The following KAT14 variants were observed in gnomAD, a reference collection of about 807,000 sequenced individuals.
KAT14 encodes cysteine-rich protein 2-binding protein.
A neutral mutation model predicts 78.4 loss-of-function variants in KAT14; 66 were observed. The observed-to-expected ratio is 0.84, with a 90% CI of 0.69 to 1.03. The LOEUF (loss-of-function observed/expected upper bound fraction) is 1.03. Among genes scored for constraint, KAT14 ranks in the 50% least tolerant of loss-of-function variants. KAT14 has a pLI of 0.00. For missense variants in KAT14, 870 were observed against 972.5 expected (o/e 0.89, Z 1.40); for synonymous variants, 344 against 359.4 (o/e 0.96, Z 0.48).
intron 7 of KAT14, among the ~76,000 whole-genome samples, chr20:18,174,134 A>G (rs1477013450): frequency 1.3e-5 from 2 of 152,216 alleles, no homozygotes; most frequent in Non-Finnish European, 2.9e-5. Context: ...ATTCATCCAT[A>G]TTGTAACATA....
intron 4 of KAT14, 65 bp downstream of exon 4, chr20:18,151,007 G>C (rs1189306291): frequency 1.9e-6 from 3 of 1,580,916 alleles, no homozygotes; most frequent in Non-Finnish European, 2.6e-6. Context: ...TACAGGATTT[G>C]AGACAGCCTA....
chr20:18,173,236 G>A (rs1219839856), intron 7 of KAT14, among the ~76,000 whole-genome samples: 3 of 152,198 alleles, frequency 2.0e-5, no homozygotes, highest in Non-Finnish European at 2.9e-5. Flanking sequence ...CTTGTGGAGT[G>A]GAGTTTTTAT....
Position 18,145,239 on chromosome 20 carries a change from TG to T in KAT14, c.267del (p.Arg90GlyfsTer31). The T allele has an allele frequency of 2.5e-6, 4 of 1,614,090 alleles. No individual in the cohort carries two copies. Among genetic ancestry groups the T allele is most frequent in the Non-Finnish European group, 2.5e-6 (3 of 1,179,996 alleles). On this transcript the variant is annotated frameshift_variant, in exon 3 of 11. Transcript: ENST00000688188. LOFTEE classifies it high-confidence loss of function. ...CTTTTTGTTTTTCTCCTAGGTCAGC[TG>T]AGGGAACAGCTCAGTTACCTTAAGG... Reference protein sequence around the residue: ...KCQKWIPASQLREQLSYLKGD... With the variant: ...KCQKWIPASQXREQLSYLKGD...
rs1488260622 is a variant in KAT14 at position 18,184,510 on chromosome 20, C to T, written c.1982-92C>T. On this transcript the variant is annotated intron_variant, in intron 9 of 10. Coordinates refer to ENST00000688188, the MANE Select transcript of KAT14 (RefSeq NM_001392073.1). ...GTTTTTTTTTTTTTTTTTTAGCATG[C>T]AGGTGTAGCTATATGTACATGCTGA... 8 of 885,492 alleles carry T rather than the reference C, an allele frequency of 9.0e-6. No homozygotes were observed. In the Admixed American group the frequency reaches 2.4e-4, roughly 26 times the overall value. The allele number at this position is 885,492 out of a possible 1,614,324, so 54.9% of individuals were successfully genotyped here. A position where few individuals can be genotyped will look rare whatever the true frequency, so the allele number is the denominator to read the frequency against.
chr20:18,175,792 G>A (rs981563126), intron 7 of KAT14, among the ~76,000 whole-genome samples: 1 of 151,784 alleles, frequency 6.6e-6, no homozygotes, highest in Non-Finnish European at 1.5e-5. Flanking sequence ...GCCAAGGCAG[G>A]CAGATCACTT....
rs1568668232 is a variant in KAT14 at position 18,161,910 on chromosome 20, T to C, written c.770T>C (p.Leu257Ser). ...SRNPVESAME[L>S]KEKRSRTQEA... ...AATCCTGTGGAATCTGCCATGGAAT[T>C]AAAAGAGAAAAGGTCTCGAACTCAG... The change falls in exon 6 of 11, where the codon TTA becomes TCA. Residue 257 changes from leucine to serine, a missense_variant. Physicochemically the swap from Leu to Ser is moderately radical, Grantham distance 145 (BLOSUM62 -2). Coordinates refer to ENST00000688188, the MANE Select transcript of KAT14 (RefSeq NM_001392073.1). The C allele has an allele frequency of 6.2e-7, 1 of 1,614,176 alleles. No individual in the cohort carries two copies.
In KAT14 at chr20:18,162,770, A is replaced by G; in HGVS notation, c.1493A>G (p.Gln498Arg). Reference protein sequence around the residue: ...RRLKRKLIVRQAKRDRGLPLF... With the variant: ...RRLKRKLIVRRAKRDRGLPLF... Reference sequence around the variant, plus strand: ...CTGAAACGCAAACTGATTGTCAGACAAGCGAAAAGGGATAGGGGATTACCA... The same window carrying G: ...CTGAAACGCAAACTGATTGTCAGACGAGCGAAAAGGGATAGGGGATTACCA... The change falls in exon 7 of 11, where the codon CAA (glutamine) becomes CGA (arginine). Residue 498 changes from glutamine to arginine, a missense_variant. By Grantham distance (43) the Gln-to-Arg change is conservative (BLOSUM62 1). Coordinates refer to ENST00000688188, the MANE Select transcript of KAT14 (RefSeq NM_001392073.1). 6.2e-7 allele frequency: 1 copy of G among 1,614,254 alleles called. No homozygotes were observed. Among genetic ancestry groups the G allele is most frequent in the Non-Finnish European group, 8.5e-7 (1 of 1,180,048 alleles).
chr20:18,150,706 G>A (rs764476917), intron 3 of KAT14, 115 bp from the exon 4 acceptor site: 32 of 1,499,602 alleles, frequency 2.1e-5, no homozygotes, highest in Non-Finnish European at 2.7e-5. Flanking sequence ...TCCTTTGTTC[G>A]CTCTGTTCCC....
At chr20:18,175,076 C>G (rs571889535) in intron 7 of KAT14, among the ~76,000 whole-genome samples, 9 of 152,162 alleles carry the variant, frequency 5.9e-5, no homozygotes, top group Middle Eastern at 3.4e-3. Flanking sequence ...GGGAAGAGAG[C>G]AAAAGCCTGG....
intron 3 of KAT14, among the ~76,000 whole-genome samples, chr20:18,147,968 T>A: frequency 6.6e-6 from 1 of 152,214 alleles, no homozygotes; most frequent in Non-Finnish European, 1.5e-5. Flanking sequence ...GATACTAACC[T>A]GGTAGGGTGA....
chr20:18,180,996 A>G (rs967294519), intron 7 of KAT14, among the ~76,000 whole-genome samples: 1 of 152,204 alleles, frequency 6.6e-6, no homozygotes, highest in African/African-American at 2.4e-5. Context: ...ATAACAGAGC[A>G]ATCATATAAT....
At chr20:18,138,460 C>T (rs1250420341) in intron 1 of KAT14, 3 of 992,460 alleles carry the variant, frequency 3.0e-6, no homozygotes, top group Non-Finnish European at 3.6e-6. Context: ...GAAGGAGTTT[C>T]TTGGGGTGCA....
chr20:18,138,525 T>A (rs1392173057), intron 1 of KAT14: 1 of 896,134 alleles, frequency 1.1e-6, no homozygotes, highest in Non-Finnish European at 1.3e-6. Flanking sequence ...AAGCCTAATG[T>A]GTTTTACGTG....
Position 18,162,516 on chromosome 20 carries a change from A to G in KAT14, c.1239A>G (p.Val413=), listed in dbSNP as rs1397883397. The G allele has an allele frequency of 1.2e-6, 2 of 1,614,006 alleles. No individual in the cohort carries two copies. Among genetic ancestry groups the G allele is most frequent in the East Asian group, 4.5e-5 (2 of 44,888 alleles). ...VRGPEQIKQE[V]ESEEEKPDRM... Reference sequence around the variant, plus strand: ...GCCCTGAACAGATAAAGCAGGAGGTAGAGAGTGAGGAGGAAAAACCCGACA... The same window carrying G: ...GCCCTGAACAGATAAAGCAGGAGGTGGAGAGTGAGGAGGAAAAACCCGACA... Residue 413 remains valine, a synonymous_variant, in exon 7 of 11, where the codon GTA becomes GTG. Transcript: ENST00000688188.
Position 18,162,165 on chromosome 20 carries a change from A to T in KAT14, c.1025A>T (p.His342Leu), listed in dbSNP as rs2038452816. The change falls in exon 6 of 11, where the codon CAT becomes CTT. Residue 342 changes from histidine (H) to leucine (L), a missense_variant. Transcript: ENST00000688188. ...TCTGCCCCTGGTACACCTGCCTCTCATTCTGCCACACCTAGCTTGCTTTCA... is the reference window on the plus strand; with the variant it reads ...TCTGCCCCTGGTACACCTGCCTCTCTTTCTGCCACACCTAGCTTGCTTTCA... ...DFSAPGTPASHSATPSLLSEA... is the reference protein window; with the variant it reads ...DFSAPGTPASLSATPSLLSEA... 6.2e-7 allele frequency: 1 copy of T among 1,614,036 alleles called. No homozygotes were observed. Among genetic ancestry groups the T allele is most frequent in the Non-Finnish European group, 8.5e-7 (1 of 1,180,042 alleles).
intron 4 of KAT14, among the ~76,000 whole-genome samples, chr20:18,153,022 C>T (rs373073920): frequency 6.6e-6 from 1 of 152,158 alleles, no homozygotes; most frequent in South Asian, 2.1e-4. Flanking sequence ...GTTTGAGATT[C>T]TGATTGTTAG....
intron 4 of KAT14, among the ~76,000 whole-genome samples, chr20:18,152,226 C>T (rs1439197255): frequency 1.3e-5 from 2 of 151,924 alleles, no homozygotes; most frequent in African/African-American, 4.8e-5. Context: ...GAGGATCACT[C>T]GAGCCCAGGA....
At chr20:18,167,033 C>T (rs1418219136) in intron 7 of KAT14, among the ~76,000 whole-genome samples, 1 of 152,170 alleles carries the variant, frequency 6.6e-6, no homozygotes, top group Non-Finnish European at 1.5e-5. Context: ...GGTACTCACA[C>T]CTCAGCCCTC....
In KAT14 at chr20:18,137,943, C is replaced by A. The variant is rs11557575; in HGVS notation, c.-562C>A. 1 of 1,478,410 alleles carries A rather than the reference C, an allele frequency of 6.8e-7. No individual in the cohort carries two copies. The highest frequency in any genetic ancestry group is 8.9e-7 in the Non-Finnish European group (1 of 1,122,384). The allele number at this position is 1,478,410 out of a possible 1,614,324, so 91.6% of individuals were successfully genotyped here. A position where few individuals can be genotyped will look rare whatever the true frequency, so the allele number is the denominator to read the frequency against. ...GCGGGCGGGAGAGAGAGGCCGCGGC[C>A]GCCAGCGTGGGGATGTCTAGGAGCT... On this transcript the variant is annotated 5_prime_UTR_variant, in exon 1 of 11. Transcript: ENST00000688188.
Sources: gnomAD v4.1 joint callset for allele counts (sites outside exome capture counted in the v4.1 genomes callset) on GRCh38, gnomAD v4.1.1 for gene constraint, MANE v1.5 for transcripts, NCBI Gene and HGNC (gene_info 2026-07-23, HGNC 2026-07-21) for gene names.